Variants in LRRTM4 observed in about 807,000 individuals in gnomAD.
The protein encoded by LRRTM4 is leucine rich repeat transmembrane neuronal 4.
Under a neutral mutation model 47.6 loss-of-function variants are expected in LRRTM4, and 25 were observed. The ratio of observed to expected loss-of-function variants is 0.53; its 90% CI spans 0.38 to 0.73. The LOEUF (loss-of-function observed/expected upper bound fraction) is 0.73, where lower values mean the gene tolerates loss of function less well. LRRTM4 is among the 30% of genes least tolerant of loss of function. The pLI is 0.00. For synonymous variants in LRRTM4, 311 were observed against 269.5 expected, an observed-to-expected ratio of 1.15 and a Z score of -1.51; for missense variants, 638 against 713.4, an observed-to-expected ratio of 0.89 and a Z score of 1.20.
chr2:77,306,359 T>C (rs1289141591), intron 3 of LRRTM4, among the ~76,000 whole-genome samples: 2 of 152,196 alleles, frequency 1.3e-5, no homozygotes, highest in Non-Finnish European at 2.9e-5. Context: ...CAGGTTGGTA[T>C]GTAACCTCCT....
intron 3 of LRRTM4, among the ~76,000 whole-genome samples, chr2:77,337,157 T>C (rs1467717333): frequency 1.3e-5 from 2 of 152,096 alleles, no homozygotes; most frequent in South Asian, 4.1e-4. Flanking sequence ...AAAGTACATC[T>C]AACCAAGGAG....
intron 3 of LRRTM4, among the ~76,000 whole-genome samples, chr2:77,450,652 C>T (rs188344803): frequency 5.3e-4 from 81 of 152,152 alleles, no homozygotes; most frequent in Middle Eastern, 3.4e-3. Flanking sequence ...GAATTTGATT[C>T]CTGATCTGCC....
intron 3 of LRRTM4, among the ~76,000 whole-genome samples, chr2:76,833,309 A>C (rs901068298): frequency 6.6e-5 from 10 of 152,072 alleles, no homozygotes; most frequent in African/African-American, 2.2e-4. Flanking sequence ...AAACTCCGTG[A>C]TTGTAAATAT....
chr2:76,819,790 T>G (rs1671003206), intron 3 of LRRTM4, among the ~76,000 whole-genome samples: 1 of 151,946 alleles, frequency 6.6e-6, no homozygotes, highest in African/African-American at 2.4e-5. Flanking sequence ...TCTAAAATTC[T>G]ATTTTCATGT....
In LRRTM4 at chr2:77,427,699, T is replaced by C. The variant is rs371638944; in HGVS notation, c.1551+90619A>G. On this transcript the variant is annotated intron_variant, in intron 3 of 3. Transcript: ENST00000409884. The stretch of plus-strand genomic sequence containing the variant: ...CCATCAGCTGGCCATAGGGAAAGAA[T>C]ATGGGAGAACACTGTGGGATTTGGG... 2.2e-3 allele frequency among the ~76,000 whole-genome samples: 339 copies of C among 152,342 alleles called. 1 individual carries two copies. Among genetic ancestry groups the C allele is most frequent in the African/African-American group, 8.0e-3 (333 of 41,578 alleles).
At chr2:76,792,951 A>C (rs1208880539) in intron 3 of LRRTM4, among the ~76,000 whole-genome samples, 2 of 152,150 alleles carry the variant, frequency 1.3e-5, no homozygotes, top group East Asian at 3.9e-4. Flanking sequence ...GTGGAGGGTG[A>C]ATCCTGTCTC....
At chr2:76,856,348 T>C (rs1672150406) in intron 3 of LRRTM4, among the ~76,000 whole-genome samples, 1 of 152,180 alleles carries the variant, frequency 6.6e-6, no homozygotes, top group African/African-American at 2.4e-5. Flanking sequence ...ATCAGTTATA[T>C]ATTTTTAGTT....
chr2:77,485,816 G>T (rs934478733), intron 3 of LRRTM4, among the ~76,000 whole-genome samples: 3 of 152,096 alleles, frequency 2.0e-5, no homozygotes, highest in African/African-American at 4.8e-5. Flanking sequence ...CTGTAGCCTA[G>T]ACTTCTTGGG....
rs575258450 is a variant in LRRTM4 at position 76,935,255 on chromosome 2, C to T, written c.1552-186339G>A. Among the ~76,000 whole-genome samples, 6 of 152,228 alleles carry T rather than the reference C, an allele frequency of 3.9e-5. No individual in the cohort carries two copies. In the South Asian group the frequency reaches 1.2e-3, roughly 32 times the overall value. The stretch of plus-strand genomic sequence containing the variant: ...ATATGCAAAAGCTTTGCTACTCTAG[C>T]CTCGTAGTATAGTGTGAAGTCAGGT... On this transcript the variant is annotated intron_variant, in intron 3 of 3. Transcript: ENST00000409884.
At chr2:76,982,274 A>G (rs72823144) in intron 3 of LRRTM4, among the ~76,000 whole-genome samples, 2,569 of 152,142 alleles carry the variant, frequency 0.017, 62 homozygotes, top group East Asian at 0.083. Flanking sequence ...CCAAAATAAC[A>G]TAAATTTCTA....
intron 3 of LRRTM4, among the ~76,000 whole-genome samples, chr2:76,913,794 C>G (rs944633967): frequency 2.0e-5 from 3 of 151,972 alleles, no homozygotes; most frequent in Non-Finnish European, 4.4e-5. Context: ...CCATCTTGGC[C>G]TCCCAAAGTG....
intron 3 of LRRTM4, among the ~76,000 whole-genome samples, chr2:77,178,759 C>T (rs1259504479): frequency 6.6e-6 from 1 of 151,986 alleles, no homozygotes; most frequent in Non-Finnish European, 1.5e-5. Flanking sequence ...TTGGCATTGA[C>T]TTTTTTTACC....
intron 3 of LRRTM4, among the ~76,000 whole-genome samples, chr2:77,360,056 G>C (rs1300301119): frequency 6.6e-6 from 1 of 152,068 alleles, no homozygotes; most frequent in Non-Finnish European, 1.5e-5. Flanking sequence ...GAAATCTTAT[G>C]TTTTTTAGAT....
intron 3 of LRRTM4, among the ~76,000 whole-genome samples, chr2:76,877,784 G>A (rs938661929): frequency 6.6e-6 from 1 of 151,998 alleles, no homozygotes; most frequent in Admixed American, 6.6e-5. Context: ...CCAGAATATG[G>A]AGTAAAAAGC....
chr2:76,978,055 T>C (rs1040512521), intron 3 of LRRTM4, among the ~76,000 whole-genome samples: 2 of 152,016 alleles, frequency 1.3e-5, no homozygotes, highest in Non-Finnish European at 2.9e-5. Flanking sequence ...AAGGAGTCTA[T>C]GGGGAAGGTT....
intron 3 of LRRTM4, among the ~76,000 whole-genome samples, chr2:77,468,007 T>A (rs186359824): frequency 6.6e-6 from 1 of 152,304 alleles, no homozygotes; most frequent in Non-Finnish European, 1.5e-5. Flanking sequence ...TCATGCCACA[T>A]GGATTTCTGT....
intron 3 of LRRTM4, among the ~76,000 whole-genome samples, chr2:77,361,234 TA>T (rs34829617): frequency 0.38 from 55,520 of 145,176 alleles, 10,336 homozygotes; most frequent in East Asian, 0.61. Context: ...CCTCCTTCAT[TA>T]AAAAAAAAAA....
intron 3 of LRRTM4, among the ~76,000 whole-genome samples, chr2:76,783,115 CAGAGTT>C (rs1558649934): frequency 6.6e-6 from 1 of 152,050 alleles, no homozygotes. Flanking sequence ...ACAAAATTAT[CAGAGTT>C]AATTAATATT....
In LRRTM4 at chr2:77,204,018, T is replaced by C. The variant is rs139450154; in HGVS notation, c.1551+314300A>G. On this transcript the variant is annotated intron_variant, in intron 3 of 3. Coordinates refer to ENST00000409884, the MANE Select transcript of LRRTM4 (RefSeq NM_001134745.3). ...TGTCTGTTGCCATTATCTGAAATGATCTAGGATCCACAATGTCAGTGTCAG... is the reference window on the plus strand; with the variant it reads ...TGTCTGTTGCCATTATCTGAAATGACCTAGGATCCACAATGTCAGTGTCAG... 5.1e-3 allele frequency among the ~76,000 whole-genome samples: 775 copies of C among 152,280 alleles called. 8 individuals carry two copies. Among genetic ancestry groups the C allele is most frequent in the African/African-American group, 0.018 (751 of 41,562 alleles).
Sources: gnomAD v4.1 joint callset for allele counts (sites outside exome capture counted in the v4.1 genomes callset) on GRCh38, gnomAD v4.1.1 for gene constraint, MANE v1.5 for transcripts, NCBI Gene and HGNC (gene_info 2026-07-23, HGNC 2026-07-21) for gene names.